Variants in PRKCE observed in about 807,000 individuals in gnomAD.
PRKCE encodes the protein protein kinase C epsilon.
PRKCE carries 16 observed loss-of-function variants against 85.4 expected under a neutral mutation model. That is an observed-to-expected ratio of 0.19 (90% CI 0.13 to 0.28). The LOEUF (loss-of-function observed/expected upper bound fraction) is 0.28. Among genes scored for constraint, PRKCE ranks in the 10% least tolerant of loss-of-function variants. The pLI, the probability that PRKCE is intolerant of heterozygous loss-of-function variation, is 1.00. For missense variants in PRKCE, 573 were observed against 975.2 expected (o/e 0.59, Z 5.49); for synonymous variants, 388 against 371.5 (o/e 1.04, Z -0.51).
At chr2:45,737,515 G>T (rs984180483) in intron 1 of PRKCE, among the ~76,000 whole-genome samples, 1 of 152,166 alleles carries the variant, frequency 6.6e-6, no homozygotes, top group African/African-American at 2.4e-5. Context: ...CAACGGCCCG[G>T]GGCTCCTCCT....
At chr2:45,821,068 G>A (rs1428872145) in intron 1 of PRKCE, among the ~76,000 whole-genome samples, 1 of 152,070 alleles carries the variant, frequency 6.6e-6, no homozygotes, top group African/African-American at 2.4e-5. Context: ...GGGAGGTGGA[G>A]GAGGCTCTTG....
At chr2:46,090,573 T>A (rs1670070611) in intron 11 of PRKCE, among the ~76,000 whole-genome samples, 1 of 152,188 alleles carries the variant, frequency 6.6e-6, no homozygotes. Context: ...TCTAATCCAG[T>A]GGATTGCTAC....
At chr2:45,942,416 T>C (rs1301667293) in intron 2 of PRKCE, among the ~76,000 whole-genome samples, 1 of 152,188 alleles carries the variant, frequency 6.6e-6, no homozygotes, top group Non-Finnish European at 1.5e-5. Flanking sequence ...CTCCCTGAAA[T>C]CCATTGAGAG....
At chr2:45,704,116 A>G (rs935055918) in intron 1 of PRKCE, among the ~76,000 whole-genome samples, 1 of 152,230 alleles carries the variant, frequency 6.6e-6, no homozygotes, top group Non-Finnish European at 1.5e-5. Context: ...AGGGTCAAGG[A>G]AGGCATGGCA....
At chr2:46,022,706 T>C (rs1428901293) in intron 10 of PRKCE, among the ~76,000 whole-genome samples, 1 of 152,266 alleles carries the variant, frequency 6.6e-6, no homozygotes, top group Non-Finnish European at 1.5e-5. Context: ...GGAGGTTTTA[T>C]AGCTGTCTGT....
At chr2:45,818,866 A>G (rs1334280859) in intron 1 of PRKCE, among the ~76,000 whole-genome samples, 1 of 152,216 alleles carries the variant, frequency 6.6e-6, no homozygotes, top group Non-Finnish European at 1.5e-5. Flanking sequence ...AGTGTATCTA[A>G]TAGCTTGCAA....
intron 14 of PRKCE, among the ~76,000 whole-genome samples, chr2:46,182,194 C>G (rs564056251): frequency 2.5e-4 from 38 of 152,286 alleles, no homozygotes; most frequent in African/African-American, 8.9e-4. Flanking sequence ...GCTCCTCCCT[C>G]TGGACTGACT....
chr2:45,795,746 T>C (rs1352111428), intron 1 of PRKCE, among the ~76,000 whole-genome samples: 1 of 152,206 alleles, frequency 6.6e-6, no homozygotes, highest in Non-Finnish European at 1.5e-5. Context: ...GGGTGCTTCC[T>C]GGGATTGGCC....
intron 10 of PRKCE, among the ~76,000 whole-genome samples, chr2:46,012,494 C>T (rs1251784224): frequency 1.3e-5 from 2 of 152,194 alleles, no homozygotes; most frequent in Admixed American, 6.5e-5. Context: ...CCTGATCCAG[C>T]ACAGGGTCCC....
chr2:45,875,161 G>A (rs146371892), intron 2 of PRKCE, among the ~76,000 whole-genome samples: 115 of 152,272 alleles, frequency 7.6e-4, no homozygotes, highest in African/African-American at 2.5e-3. Flanking sequence ...GCAGTTCCAG[G>A]TGAGACTCGG....
chr2:45,760,531 T>C (rs1031437232), intron 1 of PRKCE, among the ~76,000 whole-genome samples: 1 of 152,164 alleles, frequency 6.6e-6, no homozygotes, highest in African/African-American at 2.4e-5. Flanking sequence ...ACAAAAGCCT[T>C]CATAAGCGTG....
At chr2:45,853,582 A>G (rs1377992005) in intron 2 of PRKCE, among the ~76,000 whole-genome samples, 1 of 152,150 alleles carries the variant, frequency 6.6e-6, no homozygotes, top group African/African-American at 2.4e-5. Flanking sequence ...CCTGCTTTTT[A>G]TGGAAGGGGA....
rs1558792903 is a variant in PRKCE, at chr2:45,884,974, TATATATATATATATATATATATATA to T, written c.412+41912_412+41936del. The stretch of plus-strand genomic sequence containing the variant: ...TGATCCATATATATATATATATATA[TATATATATATATATATATATATATA>T]TATTTGTTGTTGTTGTTGTTGTTTT... On this transcript the variant is annotated intron_variant, in intron 2 of 14. Transcript: ENST00000306156. Among the ~76,000 whole-genome samples, 106 of 63,174 alleles carry T rather than the reference TATATATATATATATATATATATATA, an allele frequency of 1.7e-3. 1 individual carries two copies. The highest frequency in any genetic ancestry group is 4.5e-3 in the African/African-American group (102 of 22,734). 41.4% of individuals were successfully genotyped at this position (63,174 alleles called of 152,430 possible). A position where few individuals can be genotyped will look rare whatever the true frequency, so the allele number is the denominator to read the frequency against.
chr2:45,758,222 A>G (rs1684170394), intron 1 of PRKCE, among the ~76,000 whole-genome samples: 1 of 152,200 alleles, frequency 6.6e-6, no homozygotes, highest in South Asian at 2.1e-4. Flanking sequence ...TGGTTTTTCC[A>G]TCTGTGAAAT....
At position 45,955,996 on chromosome 2, in the gene PRKCE, C is replaced by T. The variant is rs927315420; in HGVS notation, c.413-20433C>T. ...TTGCTCACCCTCAGCCCCGGGTAAC[C>T]GCTGCGGTCTTTTCAGTGCCTATAA... is the stretch of plus-strand genomic sequence containing the variant. On this transcript the variant is annotated intron_variant, in intron 2 of 14. Coordinates refer to ENST00000306156, the MANE Select transcript of PRKCE (RefSeq NM_005400.3). Among the ~76,000 whole-genome samples, 6 of 152,194 alleles carry T rather than the reference C, an allele frequency of 3.9e-5. No homozygotes were observed. The South Asian group carries it at 8.3e-4, about 21-fold the overall frequency.
intron 1 of PRKCE, among the ~76,000 whole-genome samples, chr2:45,800,894 A>G (rs926507065): frequency 1.3e-5 from 2 of 152,200 alleles, no homozygotes; most frequent in African/African-American, 4.8e-5. Flanking sequence ...CGGGGATTAT[A>G]ATCCACTCTA....
chr2:45,917,298 C>T (rs1396262754), intron 2 of PRKCE, among the ~76,000 whole-genome samples: 1 of 152,128 alleles, frequency 6.6e-6, no homozygotes, highest in African/African-American at 2.4e-5. Context: ...TTGGTGCGTT[C>T]ACAAACCCTG....
At chr2:45,858,781 C>T (rs143696092) in intron 2 of PRKCE, among the ~76,000 whole-genome samples, 2,262 of 152,242 alleles carry the variant, frequency 0.015, 61 homozygotes, top group African/African-American at 0.051. Flanking sequence ...TGGCTCATAC[C>T]TGTAATCCCA....
At chr2:45,887,702 G>A (rs781042817) in intron 2 of PRKCE, among the ~76,000 whole-genome samples, 1 of 152,152 alleles carries the variant, frequency 6.6e-6, no homozygotes, top group Non-Finnish European at 1.5e-5. Context: ...ATGATGTCCT[G>A]GTCCTGCCTC....
Sources: gnomAD v4.1 joint callset for allele counts (sites outside exome capture counted in the v4.1 genomes callset) on GRCh38, gnomAD v4.1.1 for gene constraint, MANE v1.5 for transcripts, NCBI Gene and HGNC (gene_info 2026-07-23, HGNC 2026-07-21) for gene names.